The following GFPT1 variants were observed in gnomAD, a reference collection of about 807,000 sequenced individuals.
The protein encoded by GFPT1 is glutamine--fructose-6-phosphate transaminase 1.
Under a neutral mutation model 92.0 loss-of-function variants are expected in GFPT1, and 40 were observed. The ratio of observed to expected loss-of-function variants is 0.43; its 90% confidence interval spans 0.34 to 0.57. GFPT1 has a LOEUF of 0.57. GFPT1 is among the 20% of genes least tolerant of loss of function. The pLI, the probability that GFPT1 is intolerant of heterozygous loss-of-function variation, is 0.02. For missense variants in GFPT1, 448 were observed against 869.1 expected (o/e 0.52, Z 6.09); for synonymous variants, 269 against 280.6 (o/e 0.96, Z 0.41).
chr2:69,330,495 A>AT (rs199923223), intron 15 of GFPT1, among the ~76,000 whole-genome samples: 4,022 of 144,854 alleles, frequency 0.028, 187 homozygotes, highest in East Asian at 0.19. Flanking sequence ...GTATTGCTGG[A>AT]TTTTTTTTTT....
rs1670482884 is a variant in GFPT1 at position 69,324,337 on chromosome 2, G to C, written c.*1852C>G. On this transcript the variant is annotated 3_prime_UTR_variant, in exon 20 of 20. Transcript: ENST00000357308. ...AATCATACTTTAAACTATAAGAAAT[G>C]CTACAAACCCACACAAATTGTGTTT... 1 of 152,052 alleles carries C rather than the reference G, an allele frequency of 6.6e-6. No homozygotes were observed. The highest frequency in any genetic ancestry group is 1.9e-4 in the East Asian group (1 of 5,186). The allele number at this position is 152,052 out of a possible 1,614,324, so 9.4% of individuals were successfully genotyped here.
chr2:69,359,203 C>T (rs1465518828), intron 5 of GFPT1, 65 bp downstream of exon 5: 9 of 852,858 alleles, frequency 1.1e-5, no homozygotes, highest in Non-Finnish European at 1.6e-5. Flanking sequence ...TCCCAACAAC[C>T]GACCCCAGTG....
chr2:69,329,565 A>T, intron 16 of GFPT1, 119 bp downstream of exon 16: 2 of 951,054 alleles, frequency 2.1e-6, no homozygotes, highest in Non-Finnish European at 3.4e-6. Flanking sequence ...ACATCGGAGC[A>T]AACGTAGAAA....
At chr2:69,367,521 C>T (rs146860457) in intron 3 of GFPT1, among the ~76,000 whole-genome samples, 1,883 of 152,180 alleles carry the variant, frequency 0.012, 43 homozygotes, top group African/African-American at 0.043. Flanking sequence ...CCGCCACACC[C>T]GGCTAATTTT....
rs569347921 is a variant in GFPT1, at chr2:69,329,806, A to G, written c.1483-8T>C. On this transcript the variant is annotated splice_polypyrimidine_tract_variant and splice_region_variant and intron_variant, in intron 15 of 19. Coordinates refer to ENST00000357308, the MANE Select transcript of GFPT1 (RefSeq NM_001244710.2). ...AAACTGGCTGGTATAAGCCTGAAACATCACAAAAAAGCAGGACAATTAGTT... is the reference window on the plus strand; with the variant it reads ...AAACTGGCTGGTATAAGCCTGAAACGTCACAAAAAAGCAGGACAATTAGTT... 47 of 1,424,504 alleles carry G rather than the reference A, an allele frequency of 3.3e-5. 4 individuals are homozygous for G. In the South Asian group the frequency reaches 4.2e-4, roughly 13 times the overall value. The allele number at this position is 1,424,504 out of a possible 1,614,324, so 88.2% of individuals were successfully genotyped here.
chr2:69,337,461 A>G (rs10172902), intron 15 of GFPT1, among the ~76,000 whole-genome samples: 4 of 152,348 alleles, frequency 2.6e-5, no homozygotes, highest in African/African-American at 9.6e-5. Flanking sequence ...ATAAATAGGT[A>G]AATAAAAATT....
intron 5 of GFPT1, 97 bp from the exon 6 acceptor site, chr2:69,358,560 T>C: frequency 1.2e-6 from 1 of 840,594 alleles, no homozygotes; most frequent in Non-Finnish European, 1.9e-6. Flanking sequence ...CACTAATTTC[T>C]AATATTCTTT....
At chr2:69,358,495 A>C in intron 5 of GFPT1, 32 bp from the exon 6 acceptor site, 1 of 1,450,318 alleles carries the variant, frequency 6.9e-7, no homozygotes, top group Admixed American at 1.8e-5. Flanking sequence ...AGATACAATT[A>C]AAGAAATATT....
At chr2:69,381,883 A>G (rs1316529199) in intron 1 of GFPT1, among the ~76,000 whole-genome samples, 1 of 143,216 alleles carries the variant, frequency 7.0e-6, no homozygotes, top group African/African-American at 2.7e-5. Flanking sequence ...TTTTTAATTG[A>G]GACAGAGTGT....
chr2:69,360,917 T>C, intron 4 of GFPT1, among the ~76,000 whole-genome samples: 1 of 151,996 alleles, frequency 6.6e-6, no homozygotes, highest in Non-Finnish European at 1.5e-5. Flanking sequence ...GTATTTTTAA[T>C]AGAGACGGGG....
rs1042409457 is a variant in GFPT1, at chr2:69,332,442, T to C, written c.1483-2644A>G. 1.8e-3 allele frequency among the ~76,000 whole-genome samples: 277 copies of C among 151,700 alleles called. 5 individuals are homozygous for C. Among genetic ancestry groups the C allele is most frequent in the South Asian group, 4.2e-4 (2 of 4,812 alleles). Reference sequence around the variant, plus strand: ...ATTCTCCTGCTTCAGCCACCCCAAGTAGCTGGGATTACAGGCGCCCGCCAC... The same window carrying C: ...ATTCTCCTGCTTCAGCCACCCCAAGCAGCTGGGATTACAGGCGCCCGCCAC... On this transcript the variant is annotated intron_variant, in intron 15 of 19. Coordinates refer to ENST00000357308, the MANE Select transcript of GFPT1 (RefSeq NM_001244710.2).
chr2:69,377,467 GGT>G (rs1359118708), intron 1 of GFPT1, among the ~76,000 whole-genome samples: 2 of 146,602 alleles, frequency 1.4e-5, no homozygotes, highest in African/African-American at 5.2e-5. Context: ...TAACCAACAT[GGT>G]GAAACCCCGT....
At chr2:69,344,575 C>CT (rs1371530702) in intron 12 of GFPT1, among the ~76,000 whole-genome samples, 1 of 151,766 alleles carries the variant, frequency 6.6e-6, no homozygotes, top group African/African-American at 2.4e-5. Flanking sequence ...TCTCCTCATC[C>CT]TAACAACAAA....
chr2:69,376,540 G>T (rs1283714309), intron 1 of GFPT1, among the ~76,000 whole-genome samples: 1 of 151,058 alleles, frequency 6.6e-6, no homozygotes, highest in South Asian at 2.1e-4. Flanking sequence ...AAAAAAGTGT[G>T]AAAAAAACTG....
chr2:69,328,181 A>G, intron 18 of GFPT1, 90 bp downstream of exon 18: 1 of 952,504 alleles, frequency 1.0e-6, no homozygotes, highest in Admixed American at 1.7e-5. Context: ...ATGAGTTAAC[A>G]CGTGTAAACA....
rs1186987894 is a variant in GFPT1, at chr2:69,348,236, G to C, written c.944C>G (p.Thr315Ser). ...GRLSIHRIKR[T>S]AGDHPGRAVQ... ...AGCTCGTCCGGGGTGATCTCCTGCA[G>C]TTCGTTTAATTCGATGGATAGAAAG... Residue 315 changes from threonine (T) to serine (S), a missense_variant, in exon 11 of 20, where the codon ACT becomes AGT. Coordinates refer to ENST00000357308, the MANE Select transcript of GFPT1 (RefSeq NM_001244710.2). 9 of 1,613,470 alleles carry C rather than the reference G, an allele frequency of 5.6e-6. No homozygotes were observed. The highest frequency in any genetic ancestry group is 7.6e-6 in the Non-Finnish European group (9 of 1,179,346).
In GFPT1 at chr2:69,363,649, T is replaced by A. The variant is rs192925673; in HGVS notation, c.245A>T (p.Asp82Val). The A allele has an allele frequency of 6.2e-7, 1 of 1,607,256 alleles. No individual in the cohort carries two copies. The highest frequency in any genetic ancestry group is 8.5e-7 in the Non-Finnish European group (1 of 1,173,892). Residue 82 changes from aspartate (D) to valine (V), a missense_variant, in exon 4 of 20, where the codon GAT (aspartate) becomes GTT (valine). Asp to Val is a radical substitution (Grantham distance 152, BLOSUM62 -3). Around this residue, in one of 7 missense-constraint regions of GFPT1, gnomAD observed 72 missense variants for 95.1 expected, o/e 0.76. Coordinates refer to ENST00000357308, the MANE Select transcript of GFPT1 (RefSeq NM_001244710.2). ...EVHKQQDMDL[D>V]IEFDVHLGIA... ...TCCAAGGTGTACATCAAATTCTATA[T>A]CCAAATCCATATCTTGTTGCTCTGA...
intron 3 of GFPT1, among the ~76,000 whole-genome samples, chr2:69,368,153 C>T (rs1032368619): frequency 1.3e-5 from 2 of 152,130 alleles, no homozygotes; most frequent in African/African-American, 4.8e-5. Context: ...GAGGCCAAGG[C>T]GGGCAGATCA....
In GFPT1 at chr2:69,323,885, A is replaced by C. The variant is rs1670471996; in HGVS notation, c.*2304T>G. 1 of 152,274 alleles carries C rather than the reference A, an allele frequency of 6.6e-6. No homozygotes were observed. The highest frequency in any genetic ancestry group is 6.5e-5 in the Admixed American group (1 of 15,272). 9.4% of individuals were successfully genotyped at this position (152,274 alleles called of 1,614,324 possible). A position where few individuals can be genotyped will look rare whatever the true frequency, so the allele number is the denominator to read the frequency against. ...AAGACGGGGTTTCACCATGTTGGCCAGGATGGTCTCGATCTCTTGACCTCA... is the reference window on the plus strand; with the variant it reads ...AAGACGGGGTTTCACCATGTTGGCCCGGATGGTCTCGATCTCTTGACCTCA... On this transcript the variant is annotated 3_prime_UTR_variant, in exon 20 of 20. Coordinates refer to ENST00000357308, the MANE Select transcript of GFPT1 (RefSeq NM_001244710.2).
Sources: gnomAD v4.1 joint callset for allele counts (sites outside exome capture counted in the v4.1 genomes callset) on GRCh38, gnomAD v4.1.1 for gene constraint, gnomAD v4.1.1 regional missense constraint, MANE v1.5 for transcripts, NCBI Gene and HGNC (gene_info 2026-07-23, HGNC 2026-07-21) for gene names.